The following PEPD variants were observed in gnomAD, a reference collection of about 807,000 sequenced individuals.
PEPD encodes peptidase D, also known as xaa-Pro dipeptidase.
A neutral mutation model predicts 60.7 loss-of-function variants in PEPD; 53 were observed. The observed-to-expected ratio is 0.87, with a 90% confidence interval of 0.70 to 1.10. The LOEUF (loss-of-function observed/expected upper bound fraction) is 1.10. Among genes scored for constraint, PEPD ranks in the 50% least tolerant of loss-of-function variants. The pLI, the probability that PEPD is intolerant of heterozygous loss-of-function variation, is 0.00. For missense variants in PEPD, 711 were observed against 711.9 expected (o/e 1.00, Z 0.01); for synonymous variants, 267 against 284.1 (o/e 0.94, Z 0.60).
chr19:33,389,062 G>C (rs1241331550), intron 13 of PEPD: 1 of 152,430 alleles, frequency 6.6e-6, no homozygotes, highest in Non-Finnish European at 1.5e-5. Context: ...AGCGGGAGCT[G>C]TCATTTCTGA....
intron 13 of PEPD, chr19:33,388,577 A>G (rs889136): frequency 1 from 246,088 of 246,516 alleles, 122,839 homozygotes; most frequent in Middle Eastern, 1. Context: ...CGAGGCCCAG[A>G]TTTTCCGTGT....
At chr19:33,508,373 T>G (rs377286522) in intron 3 of PEPD, among the ~76,000 whole-genome samples, 1 of 152,040 alleles carries the variant, frequency 6.6e-6, no homozygotes, top group African/African-American at 2.4e-5. Flanking sequence ...GCTGGGAGAA[T>G]CCTCCTGCAG....
chr19:33,434,180 A>G (rs967231126), intron 9 of PEPD, among the ~76,000 whole-genome samples: 2 of 152,078 alleles, frequency 1.3e-5, no homozygotes, highest in African/African-American at 4.8e-5. Context: ...GACTGTGGCA[A>G]CAATCTGCTC....
intron 7 of PEPD, among the ~76,000 whole-genome samples, chr19:33,475,151 G>C (rs78705514): frequency 2.1e-4 from 32 of 152,178 alleles, no homozygotes; most frequent in African/African-American, 7.5e-4. Context: ...GCTCAGAAAA[G>C]TCAAGTGACT....
chr19:33,434,400 T>A (rs1969335585), intron 9 of PEPD, among the ~76,000 whole-genome samples: 1 of 152,174 alleles, frequency 6.6e-6, no homozygotes, highest in South Asian at 2.1e-4. Flanking sequence ...GCGATGGTTC[T>A]AGCATCTCTG....
chr19:33,485,490 CT>C (rs1392742916), intron 6 of PEPD, among the ~76,000 whole-genome samples: 94 of 67,618 alleles, frequency 1.4e-3, no homozygotes, highest in African/African-American at 6.0e-3. Context: ...AAGACTCTGT[CT>C]AAAAAAAAAA....
intron 9 of PEPD, among the ~76,000 whole-genome samples, chr19:33,453,218 G>C (rs999225452): frequency 2.6e-5 from 4 of 152,130 alleles, no homozygotes; most frequent in Non-Finnish European, 2.9e-5. Context: ...AGAGGCTGAG[G>C]GGGGAAGGTC....
intron 11 of PEPD, among the ~76,000 whole-genome samples, chr19:33,410,096 G>A (rs1220292876): frequency 6.6e-6 from 1 of 152,222 alleles, no homozygotes. Context: ...AGGATCCGTG[G>A]AGCCAGTGCT....
chr19:33,429,241 T>G (rs1969220215), intron 9 of PEPD, among the ~76,000 whole-genome samples: 2 of 151,984 alleles, frequency 1.3e-5, no homozygotes, highest in African/African-American at 4.8e-5. Flanking sequence ...GAGCAAGAAA[T>G]GAGCCTTTAC....
Position 33,500,979 on chromosome 19 carries a change from T to G in PEPD, c.352A>C (p.Lys118Gln), listed in dbSNP as rs774763259. The change falls in exon 4 of 15, where the codon AAG becomes CAG. Residue 118 changes from lysine (K) to glutamine (Q), a missense_variant. Physicochemically the swap from Lys to Gln is moderately conservative, Grantham distance 53 (BLOSUM62 1). Coordinates refer to ENST00000244137, the MANE Select transcript of PEPD (RefSeq NM_000285.4). ...MGKIHSKEHF[K>Q]EKYAVDDVQY... is the part of the protein sequence containing the mutation. ...ACGTCGTCCACGGCATACTTCTCCTTGAAGTGCTCCTTGGAATGGATCCTC... is the reference window on the plus strand; with the variant it reads ...ACGTCGTCCACGGCATACTTCTCCTGGAAGTGCTCCTTGGAATGGATCCTC... 1 of 1,603,134 alleles carries G rather than the reference T, an allele frequency of 6.2e-7. No individual in the cohort carries two copies. Among genetic ancestry groups the G allele is most frequent in the South Asian group, 1.1e-5 (1 of 90,846 alleles).
intron 4 of PEPD, among the ~76,000 whole-genome samples, chr19:33,498,918 C>A (rs1280445105): frequency 1.3e-5 from 2 of 152,148 alleles, no homozygotes; most frequent in Non-Finnish European, 2.9e-5. Context: ...ACAGGGCCCA[C>A]CCCAGGCTGC....
At chr19:33,432,223 T>G (rs190419910) in intron 9 of PEPD, among the ~76,000 whole-genome samples, 127 of 152,260 alleles carry the variant, frequency 8.3e-4, no homozygotes, top group African/African-American at 2.9e-3. Flanking sequence ...TCCAAGCCCC[T>G]AGAAGGCCTG....
chr19:33,497,717 G>C (rs1970634025), intron 4 of PEPD, among the ~76,000 whole-genome samples: 1 of 152,178 alleles, frequency 6.6e-6, no homozygotes, highest in Non-Finnish European at 1.5e-5. Flanking sequence ...AGGGCTTCCT[G>C]TAACCTCCCA....
At chr19:33,390,439 C>G (rs1600073416) in intron 13 of PEPD, among the ~76,000 whole-genome samples, 2 of 152,238 alleles carry the variant, frequency 1.3e-5, no homozygotes, top group South Asian at 4.1e-4. Context: ...GCAATTCCCC[C>G]CACTGCCCCC....
At chr19:33,423,128 T>TCC (rs1568463936) in intron 9 of PEPD, among the ~76,000 whole-genome samples, 42 of 87,358 alleles carry the variant, frequency 4.8e-4, no homozygotes, top group African/African-American at 1.4e-3. Context: ...TCCATCCATC[T>TCC]ATCCAACCAT....
chr19:33,487,493 G>A (rs78110057), intron 6 of PEPD: 2,766 of 152,410 alleles, frequency 0.018, 67 homozygotes, highest in African/African-American at 0.062. Context: ...GGCCAGAGAT[G>A]GCCACGAGGG....
chr19:33,393,169 C>G (rs1253103927), intron 12 of PEPD, among the ~76,000 whole-genome samples: 1 of 151,614 alleles, frequency 6.6e-6, no homozygotes, highest in Non-Finnish European at 1.5e-5. Flanking sequence ...GTCCCGGGGT[C>G]TGGGGTCTGG....
chr19:33,466,380 A>G (rs1600138692), intron 7 of PEPD, among the ~76,000 whole-genome samples: 1 of 152,380 alleles, frequency 6.6e-6, no homozygotes, highest in East Asian at 1.9e-4. Context: ...AGCATCACTG[A>G]TTGTGGGTCA....
chr19:33,466,546 C>T (rs955559357), intron 7 of PEPD, among the ~76,000 whole-genome samples: 2 of 152,116 alleles, frequency 1.3e-5, no homozygotes, highest in Admixed American at 6.5e-5. Context: ...CCAACACAAG[C>T]GAACAACCAT....
Sources: gnomAD v4.1 joint callset for allele counts (sites outside exome capture counted in the v4.1 genomes callset) on GRCh38, gnomAD v4.1.1 for gene constraint, MANE v1.5 for transcripts, NCBI Gene and HGNC (gene_info 2026-07-23, HGNC 2026-07-21) for gene names.